The following ADAM12 variants were observed in gnomAD, a reference collection of about 807,000 sequenced individuals.
ADAM12 encodes the protein ADAM metallopeptidase domain 12.
ADAM12 carries 70 observed loss-of-function variants against 106.4 expected under a neutral mutation model. The ratio of observed to expected loss-of-function variants is 0.66; its 90% CI spans 0.54 to 0.80. The LOEUF is 0.80. ADAM12 is among the 30% of genes least tolerant of loss of function. ADAM12 has a pLI of 0.00. For missense variants in ADAM12, 1,010 were observed against 1,171.9 expected (o/e 0.86, Z 2.02); for synonymous variants, 420 against 433.5 (o/e 0.97, Z 0.39).
rs150878715 is a variant in ADAM12, at chr10:126,063,645, C to T, written c.1609+1161G>A. On this transcript the variant is annotated intron_variant, in intron 14 of 22. Coordinates refer to ENST00000448723, the MANE Select transcript of ADAM12 (RefSeq NM_001288973.2). Reference sequence around the variant, plus strand: ...CCTGGGCTGAGGTCATTTCTGCAGCCAGCAGGAGGAGGGAGTGACAAAGGA... The same window carrying T: ...CCTGGGCTGAGGTCATTTCTGCAGCTAGCAGGAGGAGGGAGTGACAAAGGA... 4.1e-4 allele frequency among the ~76,000 whole-genome samples: 62 copies of T among 152,300 alleles called. 1 individual carries two copies. In the East Asian group the frequency reaches 0.012, roughly 29 times the overall value.
chr10:126,041,897 G>A (rs1282070688), intron 18 of ADAM12: 16 of 1,404,486 alleles, frequency 1.1e-5, no homozygotes, highest in Non-Finnish European at 1.4e-5. Flanking sequence ...ACTGAAGCAT[G>A]TCCATGTTTT....
At chr10:126,244,617 T>C (rs1298169666) in intron 3 of ADAM12, among the ~76,000 whole-genome samples, 5 of 152,160 alleles carry the variant, frequency 3.3e-5, no homozygotes, top group Non-Finnish European at 5.9e-5. Context: ...CAGTATATAC[T>C]GACAGCTATT....
intron 1 of ADAM12, among the ~76,000 whole-genome samples, chr10:126,370,015 G>A (rs185344749): frequency 3.3e-5 from 5 of 152,300 alleles, no homozygotes; most frequent in Admixed American, 2.6e-4. Flanking sequence ...CTATATTGGA[G>A]AGAATACTGA....
rs868118859 is a variant in ADAM12 at position 126,252,658 on chromosome 10, C to T, written c.260+26257G>A. ...CCTCAACTGACTGGATGGTGCCCAC[C>T]CACATTGGGTTACGGGGGATCTTTC... On this transcript the variant is annotated intron_variant, in intron 3 of 22. Coordinates refer to ENST00000448723, the MANE Select transcript of ADAM12 (RefSeq NM_001288973.2). 3.3e-5 allele frequency among the ~76,000 whole-genome samples: 5 copies of T among 152,242 alleles called. No homozygotes were observed. The South Asian group carries it at 1.0e-3, about 32-fold the overall frequency.
chr10:126,298,668 TA>T (rs970729990), intron 2 of ADAM12, among the ~76,000 whole-genome samples: 45 of 151,584 alleles, frequency 3.0e-4, no homozygotes, highest in African/African-American at 8.7e-4. Context: ...CATACTTTTA[TA>T]AAAAAAATCA....
chr10:126,184,602 C>G (rs1207422528), intron 3 of ADAM12, among the ~76,000 whole-genome samples: 3 of 152,190 alleles, frequency 2.0e-5, no homozygotes, highest in Non-Finnish European at 4.4e-5. Flanking sequence ...GGATTCAGTG[C>G]TAAAGTTCAA....
intron 5 of ADAM12, 133 bp downstream of exon 5, chr10:126,135,451 G>A: frequency 1.2e-6 from 1 of 806,870 alleles, no homozygotes; most frequent in East Asian, 2.7e-5. Flanking sequence ...GTGTTCTCTT[G>A]CCTAGGTGGA....
intron 1 of ADAM12, among the ~76,000 whole-genome samples, chr10:126,368,242 T>C (rs773040252): frequency 2.6e-5 from 4 of 151,900 alleles, no homozygotes; most frequent in Non-Finnish European, 4.4e-5. Context: ...GGACTACAAC[T>C]AATCAGGCTA....
chr10:126,318,508 TCA>T (rs143279649), intron 2 of ADAM12, among the ~76,000 whole-genome samples: 24,553 of 150,734 alleles, frequency 0.16, 2,151 homozygotes, highest in East Asian at 0.26. Flanking sequence ...CCACACTCTC[TCA>T]CACACACTCA....
intron 3 of ADAM12, among the ~76,000 whole-genome samples, chr10:126,184,663 T>C (rs548408216): frequency 6.6e-6 from 1 of 152,354 alleles, no homozygotes; most frequent in South Asian, 2.1e-4. Context: ...CACAACCTGA[T>C]GACCTTTCCG....
chr10:126,277,714 G>A (rs1246767529), intron 3 of ADAM12, among the ~76,000 whole-genome samples: 1 of 151,998 alleles, frequency 6.6e-6, no homozygotes, highest in Non-Finnish European at 1.5e-5. Flanking sequence ...CAAGTCACAA[G>A]AAAAGCTAAA....
chr10:126,063,925 C>T (rs1274991551), intron 14 of ADAM12, among the ~76,000 whole-genome samples: 1 of 152,324 alleles, frequency 6.6e-6, no homozygotes, highest in East Asian at 1.9e-4. Flanking sequence ...CATTTTGGAG[C>T]TTTGGTGGAG....
At chr10:126,306,024 C>A (rs1458931091) in intron 2 of ADAM12, among the ~76,000 whole-genome samples, 1 of 151,942 alleles carries the variant, frequency 6.6e-6, no homozygotes, top group Non-Finnish European at 1.5e-5. Context: ...AAATCATATA[C>A]AGGGAGTTTG....
At chr10:126,141,363 C>T (rs1280942969) in intron 4 of ADAM12, among the ~76,000 whole-genome samples, 4 of 152,202 alleles carry the variant, frequency 2.6e-5, no homozygotes, top group African/African-American at 9.7e-5. Context: ...TAGGCCAGGC[C>T]GTCTTTGCCT....
chr10:126,157,030 T>TAG (rs1956831135), intron 3 of ADAM12, among the ~76,000 whole-genome samples: 1 of 151,492 alleles, frequency 6.6e-6, no homozygotes, highest in South Asian at 2.1e-4. Flanking sequence ...TGTGTGTGTG[T>TAG]GTGGGGGGGT....
chr10:126,140,588 G>T (rs1956491225), intron 4 of ADAM12, among the ~76,000 whole-genome samples: 1 of 152,126 alleles, frequency 6.6e-6, no homozygotes, highest in African/African-American at 2.4e-5. Flanking sequence ...ATCACCTTCA[G>T]ACAGTTGACT....
At chr10:126,229,325 C>T (rs943851016) in intron 3 of ADAM12, among the ~76,000 whole-genome samples, 1 of 152,186 alleles carries the variant, frequency 6.6e-6, no homozygotes, top group Admixed American at 6.5e-5. Flanking sequence ...TCCTGTTTGA[C>T]TCCTGTGACT....
intron 20 of ADAM12, among the ~76,000 whole-genome samples, chr10:126,037,922 G>A (rs1954087775): frequency 1.3e-5 from 2 of 152,220 alleles, no homozygotes; most frequent in African/African-American, 4.8e-5. Flanking sequence ...GAGCCAGCTC[G>A]GGCTGCAGAC....
intron 1 of ADAM12, among the ~76,000 whole-genome samples, chr10:126,371,790 T>TC (rs1325960101): frequency 7.2e-5 from 11 of 152,356 alleles, no homozygotes; most frequent in Non-Finnish European, 1.0e-4. Context: ...GCCTTGCCAT[T>TC]CTACGCTTAT....
Sources: allele counts gnomAD v4.1 joint callset (sites outside exome capture counted in the v4.1 genomes callset), GRCh38; gene constraint gnomAD v4.1.1; transcripts MANE v1.5; gene names NCBI Gene and HGNC (gene_info 2026-07-23, HGNC 2026-07-21).